The following UBASH3B variants were observed in gnomAD, a reference collection of about 807,000 sequenced individuals.
The protein encoded by UBASH3B is ubiquitin associated and SH3 domain containing B.
In UBASH3B, 37 loss-of-function variants were observed where a neutral mutation model predicts 83.4. The ratio of observed to expected loss-of-function variants is 0.44; its 90% confidence interval spans 0.34 to 0.58. UBASH3B has a LOEUF of 0.58. Ranked by LOEUF, UBASH3B falls within the 20% of genes least tolerant of loss-of-function variation. The probability of loss-of-function intolerance (pLI) is 0.01; values close to 1 mark genes in which losing one functional copy is unlikely to be tolerated. For missense variants in UBASH3B, 657 were observed against 827.2 expected (o/e 0.79, Z 2.52); for synonymous variants, 304 against 318.3 (o/e 0.96, Z 0.48).
intron 1 of UBASH3B, among the ~76,000 whole-genome samples, chr11:122,656,443 A>G (rs969802135): frequency 1.3e-5 from 2 of 152,114 alleles, no homozygotes; most frequent in Admixed American, 6.5e-5. Flanking sequence ...TGGGATGCCT[A>G]AAGCTGGGGG....
intron 1 of UBASH3B, among the ~76,000 whole-genome samples, chr11:122,696,614 C>T (rs1863968714): frequency 6.6e-6 from 1 of 151,710 alleles, no homozygotes; most frequent in African/African-American, 2.4e-5. Flanking sequence ...ACCAATACTA[C>T]ATTTCTAAAT....
At chr11:122,683,875 A>T (rs12292929) in intron 1 of UBASH3B, among the ~76,000 whole-genome samples, 1,630 of 151,738 alleles carry the variant, frequency 0.011, 24 homozygotes, top group African/African-American at 0.037. Flanking sequence ...TTTTATTTGT[A>T]ATTTTCTTGT....
At chr11:122,695,102 T>C (rs1863949832) in intron 1 of UBASH3B, among the ~76,000 whole-genome samples, 1 of 151,566 alleles carries the variant, frequency 6.6e-6, no homozygotes, top group African/African-American at 2.4e-5. Flanking sequence ...TAGCTGGGAT[T>C]ACAGGCACCT....
intron 5 of UBASH3B, among the ~76,000 whole-genome samples, chr11:122,787,517 T>C (rs1012980249): frequency 1.3e-5 from 2 of 152,184 alleles, no homozygotes; most frequent in African/African-American, 4.8e-5. Flanking sequence ...CTTTACTGGC[T>C]CCTTTCTTTA....
intron 6 of UBASH3B, among the ~76,000 whole-genome samples, chr11:122,793,531 C>T (rs989622047): frequency 6.6e-6 from 1 of 152,202 alleles, no homozygotes; most frequent in Non-Finnish European, 1.5e-5. Flanking sequence ...TGTAAAGAAG[C>T]AAGAAATCTA....
At chr11:122,691,137 G>C (rs558476815) in intron 1 of UBASH3B, among the ~76,000 whole-genome samples, 7 of 152,274 alleles carry the variant, frequency 4.6e-5, no homozygotes, top group African/African-American at 1.7e-4. Context: ...TCTCCAAAAC[G>C]GAGTTTTTCT....
At chr11:122,686,226 G>A (rs1201739892) in intron 1 of UBASH3B, among the ~76,000 whole-genome samples, 1 of 152,228 alleles carries the variant, frequency 6.6e-6, no homozygotes. Context: ...AAGTCTGCCA[G>A]ACAAAGTCTA....
chr11:122,658,334 C>T (rs1863391425), intron 1 of UBASH3B, among the ~76,000 whole-genome samples: 1 of 152,148 alleles, frequency 6.6e-6, no homozygotes, highest in South Asian at 2.1e-4. Context: ...AACTGAACTC[C>T]TCAGTCATAT....
intron 1 of UBASH3B, among the ~76,000 whole-genome samples, chr11:122,766,006 C>A (rs1860529398): frequency 6.6e-6 from 1 of 152,154 alleles, no homozygotes; most frequent in Non-Finnish European, 1.5e-5. Flanking sequence ...TGGTGCACTG[C>A]AGAAAAGTGA....
At chr11:122,718,031 C>A (rs1398820963) in intron 1 of UBASH3B, among the ~76,000 whole-genome samples, 1 of 151,982 alleles carries the variant, frequency 6.6e-6, no homozygotes, top group Non-Finnish European at 1.5e-5. Context: ...AAGAAATTTT[C>A]CTGCCTTAGT....
At chr11:122,715,496 G>T (rs1860504566) in intron 1 of UBASH3B, among the ~76,000 whole-genome samples, 3 of 152,174 alleles carry the variant, frequency 2.0e-5, no homozygotes, top group Non-Finnish European at 4.4e-5. Flanking sequence ...TGAGGCTGTT[G>T]TAGCTTTGGC....
intron 10 of UBASH3B, among the ~76,000 whole-genome samples, chr11:122,800,284 A>G (rs1273941385): frequency 6.6e-6 from 1 of 151,960 alleles, no homozygotes; most frequent in Non-Finnish European, 1.5e-5. Context: ...TCACGCCTGT[A>G]ATCCCAGCAC....
chr11:122,744,896 TGTGC>T (rs1300212210), intron 1 of UBASH3B, among the ~76,000 whole-genome samples: 22 of 123,158 alleles, frequency 1.8e-4, no homozygotes, highest in African/African-American at 5.6e-4. Context: ...TGTGTGTGTG[TGTGC>T]GCGCGCGCGC....
At chr11:122,682,366 A>G (rs754901452) in intron 1 of UBASH3B, among the ~76,000 whole-genome samples, 6 of 152,076 alleles carry the variant, frequency 3.9e-5, no homozygotes, top group African/African-American at 9.7e-5. Context: ...GATGATAGTT[A>G]TATTCCCATT....
intron 4 of UBASH3B, 63 bp downstream of exon 4, chr11:122,779,758 G>T (rs1860817770): frequency 6.3e-7 from 1 of 1,594,434 alleles, no homozygotes; most frequent in Non-Finnish European, 8.6e-7. Flanking sequence ...AAAGGAAAAA[G>T]GATAGGAAAT....
chr11:122,681,390 T>A (rs1382626975), intron 1 of UBASH3B, among the ~76,000 whole-genome samples: 1 of 152,116 alleles, frequency 6.6e-6, no homozygotes, highest in Non-Finnish European at 1.5e-5. Flanking sequence ...ACAGAGGAAA[T>A]GGAGTTTTGC....
chr11:122,724,770 T>TG (rs1383881428), intron 1 of UBASH3B, among the ~76,000 whole-genome samples: 2 of 151,258 alleles, frequency 1.3e-5, no homozygotes, highest in Non-Finnish European at 2.9e-5. Flanking sequence ...TGACAGAAAG[T>TG]GGGGAATGTG....
At chr11:122,786,587 G>A (rs1565565190) in intron 5 of UBASH3B, among the ~76,000 whole-genome samples, 3 of 152,146 alleles carry the variant, frequency 2.0e-5, no homozygotes, top group Non-Finnish European at 4.4e-5. Flanking sequence ...AATCCGGGAG[G>A]CAGAGGTTGC....
chr11:122,731,837 T>C (rs77888093), intron 1 of UBASH3B, among the ~76,000 whole-genome samples: 2,537 of 152,300 alleles, frequency 0.017, 67 homozygotes, highest in African/African-American at 0.058. Flanking sequence ...GTTTGCTCTC[T>C]TGTCACACTC....
Sources: allele counts gnomAD v4.1 joint callset (sites outside exome capture counted in the v4.1 genomes callset), GRCh38; gene constraint gnomAD v4.1.1; transcripts MANE v1.5; gene names NCBI Gene and HGNC (gene_info 2026-07-23, HGNC 2026-07-21).